ROBO1: variants seen among roughly 807,000 people sequenced by gnomAD.
The protein encoded by ROBO1 is roundabout guidance receptor 1, also known as roundabout homolog 1.
A neutral mutation model predicts 195.9 loss-of-function variants in ROBO1; 149 were observed. The ratio of observed to expected loss-of-function variants is 0.76; its 90% CI spans 0.67 to 0.87. The LOEUF (loss-of-function observed/expected upper bound fraction) is 0.87, where lower values mean the gene tolerates loss of function less well. Among genes scored for constraint, ROBO1 ranks in the 40% least tolerant of loss-of-function variants. The probability of loss-of-function intolerance (pLI) is 0.00; values close to 1 mark genes in which losing one functional copy is unlikely to be tolerated. For missense variants in ROBO1, 1,933 were observed against 2,068.3 expected (o/e 0.93, Z 1.27); for synonymous variants, 816 against 733.2 (o/e 1.11, Z -1.82).
chr3:78,659,914 T>C, intron 16 of ROBO1, 107 bp from the exon 17 acceptor site: 1 of 647,314 alleles, frequency 1.5e-6, no homozygotes, highest in Non-Finnish European at 2.2e-6. Flanking sequence ...TATATCAATA[T>C]ATGCTTTTTT....
intron 4 of ROBO1, among the ~76,000 whole-genome samples, chr3:78,774,780 C>G (rs1287635682): frequency 1.3e-5 from 2 of 152,110 alleles, no homozygotes; most frequent in Non-Finnish European, 2.9e-5. Context: ...CCAATGATCT[C>G]TAATGTGACT....
intron 1 of ROBO1, among the ~76,000 whole-genome samples, chr3:79,646,654 A>T (rs1945829864): frequency 6.6e-6 from 1 of 152,122 alleles, no homozygotes; most frequent in Non-Finnish European, 1.5e-5. Context: ...TATGGAATGA[A>T]TCTAAGTGCC....
chr3:79,216,508 T>A (rs1248793818), intron 2 of ROBO1, among the ~76,000 whole-genome samples: 2 of 152,078 alleles, frequency 1.3e-5, no homozygotes, highest in Admixed American at 1.3e-4. Flanking sequence ...TTGATTCTAA[T>A]GTTTGGTAAT....
chr3:79,359,909 G>A (rs2035703038), intron 2 of ROBO1, among the ~76,000 whole-genome samples: 1 of 151,980 alleles, frequency 6.6e-6, no homozygotes, highest in African/African-American at 2.4e-5. Flanking sequence ...GCCCTGTTGG[G>A]AGGATTTCTG....
chr3:79,698,716 TAGAG>T (rs1348330168), intron 1 of ROBO1, among the ~76,000 whole-genome samples: 1 of 151,534 alleles, frequency 6.6e-6, no homozygotes, highest in Admixed American at 6.6e-5. Flanking sequence ...CCACCATTAA[TAGAG>T]AGAAAGTATT....
intron 2 of ROBO1, among the ~76,000 whole-genome samples, chr3:79,238,424 T>TG (rs1426338413): frequency 2.6e-5 from 4 of 152,230 alleles, no homozygotes; most frequent in African/African-American, 9.6e-5. Context: ...AAAGTCCTGT[T>TG]CTTATGAGGT....
chr3:79,410,689 G>T (rs1436451939), intron 2 of ROBO1, among the ~76,000 whole-genome samples: 1 of 151,654 alleles, frequency 6.6e-6, no homozygotes, highest in Non-Finnish European at 1.5e-5. Flanking sequence ...AGAAAGGAGA[G>T]AAAGAAGGGA....
At chr3:78,893,410 C>A (rs1311146012) in intron 4 of ROBO1, among the ~76,000 whole-genome samples, 1 of 152,162 alleles carries the variant, frequency 6.6e-6, no homozygotes, top group Non-Finnish European at 1.5e-5. Context: ...AAACCCAGAG[C>A]AGCCCTCAAC....
chr3:78,775,715 CTTCACTAAACA>C (rs2083487157), intron 4 of ROBO1, among the ~76,000 whole-genome samples: 2 of 152,200 alleles, frequency 1.3e-5, no homozygotes, highest in Non-Finnish European at 2.9e-5. Flanking sequence ...GTTCAGGATA[CTTCACTAAACA>C]TTAGTCTTCT....
intron 5 of ROBO1, among the ~76,000 whole-genome samples, chr3:78,737,823 A>G (rs1458033858): frequency 6.6e-6 from 1 of 152,246 alleles, no homozygotes; most frequent in Non-Finnish European, 1.5e-5. Context: ...GAAAATAAAT[A>G]GAATACATAA....
At chr3:79,621,041 A>T (rs11127650) in intron 1 of ROBO1, among the ~76,000 whole-genome samples, 86,725 of 151,850 alleles carry the variant, frequency 0.57, 26,241 homozygotes, top group East Asian at 0.89. Flanking sequence ...AGAACCCATT[A>T]TTCTGTTCTA....
At chr3:79,555,420 G>T (rs1399761896) in intron 2 of ROBO1, among the ~76,000 whole-genome samples, 1 of 152,092 alleles carries the variant, frequency 6.6e-6, no homozygotes, top group Non-Finnish European at 1.5e-5. Context: ...TTTTCAGTGT[G>T]ATACGTAGAT....
intron 4 of ROBO1, among the ~76,000 whole-genome samples, chr3:78,749,824 T>C (rs2082743295): frequency 6.6e-6 from 1 of 152,186 alleles, no homozygotes; most frequent in Non-Finnish European, 1.5e-5. Context: ...TAACCATTTC[T>C]ATTAACCAAA....
At chr3:79,563,609 ATTTG>A (rs1057232900) in intron 2 of ROBO1, among the ~76,000 whole-genome samples, 2 of 152,044 alleles carry the variant, frequency 1.3e-5, no homozygotes, top group African/African-American at 4.8e-5. Flanking sequence ...AAAAGAAATT[ATTTG>A]TTTGTAGTTT....
intron 2 of ROBO1, among the ~76,000 whole-genome samples, chr3:79,144,384 C>A (rs2080597660): frequency 6.6e-6 from 1 of 152,066 alleles, no homozygotes; most frequent in East Asian, 1.9e-4. Flanking sequence ...AGAGCTCGTT[C>A]CTTTTCTCCC....
intron 4 of ROBO1, among the ~76,000 whole-genome samples, chr3:78,932,606 C>A (rs2039590462): frequency 6.6e-6 from 1 of 152,046 alleles, no homozygotes; most frequent in Non-Finnish European, 1.5e-5. Flanking sequence ...ACTATGTATT[C>A]CAACATACCT....
intron 8 of ROBO1, 104 bp from the exon 9 acceptor site, chr3:78,688,876 T>C (rs1436872868): frequency 4.3e-6 from 5 of 1,163,584 alleles, no homozygotes; most frequent in Admixed American, 6.1e-5. Flanking sequence ...TTATACAACA[T>C]GTTATGTAAA....
intron 2 of ROBO1, among the ~76,000 whole-genome samples, chr3:79,371,601 A>C (rs2036195983): frequency 6.6e-6 from 1 of 152,212 alleles, no homozygotes; most frequent in Non-Finnish European, 1.5e-5. Context: ...ATGCAAAAAA[A>C]AATGGTTCTT....
At chr3:79,102,847 T>C (rs1027591581) in intron 3 of ROBO1, among the ~76,000 whole-genome samples, 6 of 151,868 alleles carry the variant, frequency 4.0e-5, no homozygotes, top group Admixed American at 6.6e-5. Context: ...TCATTATTTT[T>C]AGATTTTCTT....
Sources: allele counts gnomAD v4.1 joint callset (sites outside exome capture counted in the v4.1 genomes callset), GRCh38; gene constraint gnomAD v4.1.1; transcripts MANE v1.5; gene names NCBI Gene and HGNC (gene_info 2026-07-23, HGNC 2026-07-21).